TRIM66: variants seen among roughly 807,000 people sequenced by gnomAD.
TRIM66 encodes the protein tripartite motif containing 66, also known as tripartite motif-containing protein 66.
Under a neutral mutation model 148.2 loss-of-function variants are expected in TRIM66, and 99 were observed. The ratio of observed to expected loss-of-function variants is 0.67; its 90% CI spans 0.57 to 0.79. The LOEUF (loss-of-function observed/expected upper bound fraction) is 0.79, where lower values mean the gene tolerates loss of function less well. Among genes scored for constraint, TRIM66 ranks in the 30% least tolerant of loss-of-function variants. The pLI is 0.00. For missense variants in TRIM66, 1,666 were observed against 1,697.9 expected (o/e 0.98, Z 0.33); for synonymous variants, 616 against 635.9 (o/e 0.97, Z 0.47).
chr11:8,636,711 T>A (rs1565505582), intron 15 of TRIM66, among the ~76,000 whole-genome samples: 1 of 152,188 alleles, frequency 6.6e-6, no homozygotes, highest in Non-Finnish European at 1.5e-5. Flanking sequence ...TCATTCATCC[T>A]CCTGTTTCTC....
At chr11:8,618,666 C>T in intron 24 of TRIM66, 84 bp downstream of exon 24, 1 of 1,292,458 alleles carries the variant, frequency 7.7e-7, no homozygotes, top group Non-Finnish European at 1.1e-6. Flanking sequence ...ACCACCCGAA[C>T]AGCTTCACCT....
chr11:8,654,867 T>G (rs2037676621), intron 6 of TRIM66, among the ~76,000 whole-genome samples: 1 of 152,190 alleles, frequency 6.6e-6, no homozygotes, highest in African/African-American at 2.4e-5. Flanking sequence ...TTGTTTGTTT[T>G]TGTTTTTTTT....
chr11:8,642,261 C>CA (rs1216777841), intron 13 of TRIM66, among the ~76,000 whole-genome samples: 2 of 152,150 alleles, frequency 1.3e-5, no homozygotes, highest in African/African-American at 2.4e-5. Flanking sequence ...GGGGCCTAAA[C>CA]AAGAGTAGGT....
chr11:8,642,321 A>G (rs1000294143), intron 13 of TRIM66, among the ~76,000 whole-genome samples: 3 of 152,224 alleles, frequency 2.0e-5, no homozygotes, highest in African/African-American at 7.2e-5. Flanking sequence ...GGAAGAAAAG[A>G]AATAAACCTA....
In TRIM66 at chr11:8,619,589, G is replaced by C; in HGVS notation, c.3748-54C>G. 2.8e-6 allele frequency: 4 copies of C among 1,443,510 alleles called. No individual in the cohort carries two copies. The South Asian group carries it at 5.9e-5, about 21-fold the overall frequency. The allele number at this position is 1,443,510 out of a possible 1,614,324, so 89.4% of individuals were successfully genotyped here. ...GGCAAAGGGAGTGAGAGAAGAAATG[G>C]AGGTGTGGATAAGAAGGAAGAAGAA... is the stretch of plus-strand genomic sequence containing the variant. On this transcript the variant is annotated intron_variant, in intron 22 of 24. Coordinates refer to ENST00000646038, the MANE Select transcript of TRIM66 (RefSeq NM_001388022.1).
At chr11:8,662,118 C>T (rs1193770856) in intron 6 of TRIM66, among the ~76,000 whole-genome samples, 1 of 152,198 alleles carries the variant, frequency 6.6e-6, no homozygotes, top group East Asian at 1.9e-4. Flanking sequence ...AGCTTCTGCA[C>T]CTGCTGCACA....
intron 15 of TRIM66, among the ~76,000 whole-genome samples, chr11:8,627,094 C>T (rs1461930709): frequency 6.6e-6 from 1 of 152,206 alleles, no homozygotes; most frequent in East Asian, 1.9e-4. Flanking sequence ...GTACTTTCAG[C>T]TTCATACCAC....
intron 12 of TRIM66, among the ~76,000 whole-genome samples, chr11:8,645,189 T>A (rs755274287): frequency 6.6e-6 from 1 of 152,218 alleles, no homozygotes; most frequent in Non-Finnish European, 1.5e-5. Context: ...CACCCATATA[T>A]TAAAACGGCT....
rs1307982913 is a variant in TRIM66 at position 8,682,620 on chromosome 11, C to T, written c.-567G>A. The stretch of plus-strand genomic sequence containing the variant: ...CCTCACCGAAACCGTACACCGCCAC[C>T]AGGACACTCCGTGATGGGGGATCAC... On this transcript the variant is annotated 5_prime_UTR_variant, in exon 1 of 25. Transcript: ENST00000646038. The T allele has an allele frequency of 3.0e-6, 2 of 659,850 alleles. No individual in the cohort carries two copies. Among genetic ancestry groups the T allele is most frequent in the East Asian group, 2.7e-5 (1 of 36,668 alleles). The allele number at this position is 659,850 out of a possible 1,614,324, so 40.9% of individuals were successfully genotyped here. A position where few individuals can be genotyped will look rare whatever the true frequency, so the allele number is the denominator to read the frequency against.
In TRIM66 at chr11:8,615,488, A is replaced by G. The variant is rs1056055700; in HGVS notation, c.*2456T>C. The G allele has an allele frequency of 6.6e-6, 1 of 152,130 alleles. No homozygotes were observed. Among genetic ancestry groups the G allele is most frequent in the Non-Finnish European group, 1.5e-5 (1 of 68,020 alleles). 9.4% of individuals were successfully genotyped at this position (152,130 alleles called of 1,614,324 possible). On this transcript the variant is annotated 3_prime_UTR_variant, in exon 25 of 25. Coordinates refer to ENST00000646038, the MANE Select transcript of TRIM66 (RefSeq NM_001388022.1). ...AAAAGCAGGATCAGCCCAAATGTTAATGAAGAGCCTCTGCAGGCAGTCACT... is the reference window on the plus strand; with the variant it reads ...AAAAGCAGGATCAGCCCAAATGTTAGTGAAGAGCCTCTGCAGGCAGTCACT...
chr11:8,619,723 T>C (rs2034019442), intron 22 of TRIM66, among the ~76,000 whole-genome samples, 188 bp from the exon 23 acceptor site: 1 of 152,054 alleles, frequency 6.6e-6, no homozygotes, highest in Non-Finnish European at 1.5e-5. Context: ...AAAGGAGGAA[T>C]GTGTCACCTG....
Position 8,648,450 on chromosome 11 carries a change from G to A in TRIM66, c.691C>T (p.His231Tyr). Residue 231 changes from histidine to tyrosine, a missense_variant, in exon 9 of 25, where the codon CAT (histidine) becomes TAT (tyrosine). Physicochemically the swap from His to Tyr is moderately conservative, Grantham distance 83. Coordinates refer to ENST00000646038, the MANE Select transcript of TRIM66 (RefSeq NM_001388022.1). ...TTGTGTTCCACCACTAGGCAGCTATGGCAAGTGAGCATATCACATGTCTCA... is the reference window on the plus strand; with the variant it reads ...TTGTGTTCCACCACTAGGCAGCTATAGCAAGTGAGCATATCACATGTCTCA... ...FCETCDMLTC[H>Y]SCLVVEHKEH... The A allele has an allele frequency of 6.4e-7, 1 of 1,551,714 alleles. No homozygotes were observed. Among genetic ancestry groups the A allele is most frequent in the African/African-American group, 1.4e-5 (1 of 73,172 alleles).
intron 6 of TRIM66, among the ~76,000 whole-genome samples, chr11:8,658,514 T>G (rs2038023065): frequency 6.6e-6 from 1 of 152,106 alleles, no homozygotes; most frequent in Admixed American, 6.5e-5. Flanking sequence ...TAAATAGAGC[T>G]CATCACAACA....
intron 15 of TRIM66, among the ~76,000 whole-genome samples, chr11:8,628,437 A>AC (rs1352145279): frequency 1.3e-5 from 2 of 151,618 alleles, no homozygotes. Flanking sequence ...ATATGGTGAA[A>AC]CCCCGTCTCC....
chr11:8,681,574 G>A (rs1042064707), intron 1 of TRIM66, among the ~76,000 whole-genome samples: 1 of 152,024 alleles, frequency 6.6e-6, no homozygotes, highest in African/African-American at 2.4e-5. Flanking sequence ...TTTTCCCATG[G>A]GATCTATTAA....
chr11:8,659,883 CTTTG>C (rs1215972805), intron 6 of TRIM66, among the ~76,000 whole-genome samples: 1 of 151,914 alleles, frequency 6.6e-6, no homozygotes, highest in Non-Finnish European at 1.5e-5. Context: ...GTTTGTTTGT[CTTTG>C]TTTGTTTTGA....
chr11:8,634,799 G>A (rs985284615), intron 15 of TRIM66, among the ~76,000 whole-genome samples: 3 of 152,184 alleles, frequency 2.0e-5, no homozygotes, highest in Admixed American at 1.3e-4. Flanking sequence ...GTACTTGTAC[G>A]CAGATGTTCT....
At chr11:8,648,128 C>T (rs2037030430) in intron 9 of TRIM66, 42 bp from the exon 10 acceptor site, 8 of 1,492,810 alleles carry the variant, frequency 5.4e-6, no homozygotes, top group Non-Finnish European at 7.3e-6. Flanking sequence ...GGGCTGAGTC[C>T]TACTTTGAGC....
At position 8,671,834 on chromosome 11, in the gene TRIM66, T is replaced by G; in HGVS notation, c.292A>C (p.Ile98Leu). The G allele has an allele frequency of 6.5e-7, 1 of 1,529,770 alleles. No homozygotes were observed. The highest frequency in any genetic ancestry group is 2.0e-5 in the Admixed American group (1 of 50,992). 94.8% of individuals were successfully genotyped at this position (1,529,770 alleles called of 1,614,324 possible). ...TTGGCAATCTGCCCTAGCTCCTGTA[T>G]CAAGCCCTGGAAGCAGTCCTTACGG... is the stretch of plus-strand genomic sequence containing the variant. ...LLRKDCFQGL[I>L]QELGQIAKAH... Residue 98 changes from isoleucine (I) to leucine (L), a missense_variant, in exon 6 of 25, where the codon ATA (isoleucine) becomes CTA (leucine). This residue lies in a region of TRIM66 where 1,431 missense variants were observed against 1,412.4 expected (regional missense o/e 1.01). Transcript: ENST00000646038.
Sources: allele counts gnomAD v4.1 joint callset (sites outside exome capture counted in the v4.1 genomes callset), GRCh38; gene constraint gnomAD v4.1.1; regional missense constraint gnomAD v4.1.1; transcripts MANE v1.5; gene names NCBI Gene and HGNC (gene_info 2026-07-23, HGNC 2026-07-21).